Variants in GRIN2A observed in about 807,000 individuals in gnomAD.
GRIN2A encodes glutamate receptor ionotropic, NMDA 2A.
A neutral mutation model predicts 113.4 loss-of-function variants in GRIN2A; 22 were observed. That is an observed-to-expected ratio of 0.19 (90% CI 0.14 to 0.28). The LOEUF is 0.28. Ranked by LOEUF, GRIN2A falls within the 10% of genes least tolerant of loss-of-function variation. The pLI is 1.00. For missense variants in GRIN2A, 1,502 were observed against 1,887.0 expected, an observed-to-expected ratio of 0.80 and a Z score of 3.78; for synonymous variants, 827 against 738.4, an observed-to-expected ratio of 1.12 and a Z score of -1.94.
chr16:9,939,993 C>A (rs1457386100), intron 2 of GRIN2A, among the ~76,000 whole-genome samples: 2 of 145,742 alleles, frequency 1.4e-5, no homozygotes, highest in African/African-American at 5.1e-5. Context: ...ACAACCTCAA[C>A]AAGATAACTT....
At chr16:9,950,488 C>T (rs1266609622) in intron 2 of GRIN2A, among the ~76,000 whole-genome samples, 1 of 152,120 alleles carries the variant, frequency 6.6e-6, no homozygotes, top group African/African-American at 2.4e-5. Context: ...TCTTATTGCT[C>T]CTTCTAGGTA....
At chr16:9,795,308 C>T (rs28516496) in intron 11 of GRIN2A, among the ~76,000 whole-genome samples, 6,084 of 152,110 alleles carry the variant, frequency 0.04, 401 homozygotes, top group African/African-American at 0.14. Flanking sequence ...TCTGGTCGTC[C>T]CCACTGCTAC....
At chr16:10,013,854 T>C (rs2046554725) in intron 2 of GRIN2A, among the ~76,000 whole-genome samples, 1 of 152,238 alleles carries the variant, frequency 6.6e-6, no homozygotes, top group South Asian at 2.1e-4. Flanking sequence ...GCCTCCTTCC[T>C]CTTCCTAGAA....
chr16:10,101,123 T>C (rs2048386408), intron 2 of GRIN2A, among the ~76,000 whole-genome samples: 1 of 152,202 alleles, frequency 6.6e-6, no homozygotes, highest in South Asian at 2.1e-4. Context: ...CTGCCCAACA[T>C]GGGGCTCCTT....
At chr16:9,876,386 C>T (rs1040458573) in intron 4 of GRIN2A, among the ~76,000 whole-genome samples, 2 of 152,174 alleles carry the variant, frequency 1.3e-5, no homozygotes, top group Non-Finnish European at 2.9e-5. Flanking sequence ...ATGTCCTCAC[C>T]TGTTTACCCC....
At chr16:10,073,771 C>T (rs1044533676) in intron 2 of GRIN2A, among the ~76,000 whole-genome samples, 2 of 151,684 alleles carry the variant, frequency 1.3e-5, no homozygotes, top group African/African-American at 2.4e-5. Flanking sequence ...AAAAATTAGC[C>T]GGGCAACAGT....
intron 2 of GRIN2A, among the ~76,000 whole-genome samples, chr16:10,115,998 C>T (rs539229123): frequency 5.3e-5 from 8 of 152,192 alleles, no homozygotes; most frequent in African/African-American, 1.4e-4. Flanking sequence ...TAAACCATTC[C>T]GTCATAAAGA....
At chr16:9,925,510 TG>T (rs2044446048) in intron 3 of GRIN2A, among the ~76,000 whole-genome samples, 1 of 152,222 alleles carries the variant, frequency 6.6e-6, no homozygotes, top group Non-Finnish European at 1.5e-5. Context: ...GAAATCCAGC[TG>T]CTTTTGTTTC....
In GRIN2A at chr16:10,025,183, T is replaced by C. The variant is rs182615236; in HGVS notation, c.415-86632A>G. Among the ~76,000 whole-genome samples the C allele has an allele frequency of 7.2e-5, 11 of 151,998 alleles. No individual in the cohort carries two copies. The East Asian group carries it at 1.9e-3, about 27-fold the overall frequency. On this transcript the variant is annotated intron_variant, in intron 2 of 12. Coordinates refer to ENST00000330684, the MANE Select transcript of GRIN2A (RefSeq NM_001134407.3). The stretch of plus-strand genomic sequence containing the variant: ...AGGGGCTAAGAAGACTGGAGATTAC[T>C]AATGGTGCAGCTGAATCATAAAACT...
intron 4 of GRIN2A, among the ~76,000 whole-genome samples, chr16:9,887,525 C>T (rs2043608383): frequency 6.6e-6 from 1 of 152,182 alleles, no homozygotes; most frequent in Non-Finnish European, 1.5e-5. Flanking sequence ...GTACATATTA[C>T]TAGGCCATTC....
At chr16:9,781,264 C>A (rs1268655207) in intron 11 of GRIN2A, among the ~76,000 whole-genome samples, 1 of 152,160 alleles carries the variant, frequency 6.6e-6, no homozygotes, top group African/African-American at 2.4e-5. Context: ...GCATGTTGCA[C>A]CTTCTAAAAT....
At position 9,841,023 on chromosome 16, in the gene GRIN2A, A is replaced by G. The variant is rs372058698; in HGVS notation, c.1410T>C (p.Thr470=). 1 of 1,613,260 alleles carries G rather than the reference A, an allele frequency of 6.2e-7. No homozygotes were observed. The highest frequency in any genetic ancestry group is 8.5e-7 in the Non-Finnish European group (1 of 1,179,230). ...CIDILKKLSR[T]VKFTYDLYLV... is the part of the protein sequence containing the mutation. The stretch of plus-strand genomic sequence containing the variant: ...GATAGAGGTCGTAAGTAAACTTCAC[A>G]GTTCTGGAAAGCTTCTTCAGAATAT... Residue 470 remains threonine (T), a synonymous_variant, in exon 6 of 13, where the codon ACT becomes ACC. Transcript: ENST00000330684.
chr16:9,959,319 C>G (rs982377961), intron 2 of GRIN2A, among the ~76,000 whole-genome samples: 1 of 152,182 alleles, frequency 6.6e-6, no homozygotes, highest in Admixed American at 6.5e-5. Flanking sequence ...CAGCTTCCAT[C>G]CCTAAACCTA....
intron 2 of GRIN2A, among the ~76,000 whole-genome samples, chr16:10,046,119 G>A (rs1243279606): frequency 1.3e-5 from 2 of 152,174 alleles, no homozygotes; most frequent in Non-Finnish European, 2.9e-5. Context: ...CTTAGCCAGT[G>A]ATGGTTTTAG....
intron 2 of GRIN2A, among the ~76,000 whole-genome samples, chr16:10,061,262 G>A (rs1225722997): frequency 1.3e-5 from 2 of 152,160 alleles, no homozygotes; most frequent in Admixed American, 6.5e-5. Context: ...CAGAAATACA[G>A]GAAGAGGCTT....
chr16:10,165,021 T>C (rs746979283), intron 2 of GRIN2A, among the ~76,000 whole-genome samples: 24 of 152,204 alleles, frequency 1.6e-4, no homozygotes, highest in Non-Finnish European at 2.5e-4. Context: ...CCTTAATTGG[T>C]TCTGTATTGA....
intron 2 of GRIN2A, among the ~76,000 whole-genome samples, chr16:10,026,515 T>A (rs1272941554): frequency 7.1e-6 from 1 of 140,638 alleles, no homozygotes; most frequent in Non-Finnish European, 1.5e-5. Context: ...AGAAAGTCCT[T>A]CCTAAATTTA....
intron 2 of GRIN2A, among the ~76,000 whole-genome samples, chr16:10,110,148 CAG>C (rs988809585): frequency 2.2e-5 from 3 of 138,726 alleles, no homozygotes; most frequent in African/African-American, 8.1e-5. Flanking sequence ...TAAATAAAAA[CAG>C]AAATAACCTG....
chr16:9,950,230 T>C (rs755685085), intron 2 of GRIN2A, among the ~76,000 whole-genome samples: 4 of 152,292 alleles, frequency 2.6e-5, no homozygotes, highest in Non-Finnish European at 5.9e-5. Flanking sequence ...AGGGACAGAC[T>C]GTTTCCCTCC....
Sources: allele counts gnomAD v4.1 joint callset (sites outside exome capture counted in the v4.1 genomes callset), GRCh38; gene constraint gnomAD v4.1.1; transcripts MANE v1.5; gene names NCBI Gene and HGNC (gene_info 2026-07-23, HGNC 2026-07-21).